SBF2: variants seen among roughly 807,000 people sequenced by gnomAD.
SBF2 encodes the protein SET binding factor 2.
In SBF2, 112 loss-of-function variants were observed where a neutral mutation model predicts 225.2. The observed-to-expected ratio is 0.50, with a 90% CI of 0.43 to 0.58. The LOEUF is 0.58. SBF2 is among the 20% of genes least tolerant of loss of function. The pLI, the probability that SBF2 is intolerant of heterozygous loss-of-function variation, is 0.00. For missense variants in SBF2, 1,996 were observed against 2,206.2 expected (o/e 0.90, Z 1.91); for synonymous variants, 763 against 773.3 (o/e 0.99, Z 0.22).
At chr11:9,919,360 CA>C (rs1414225465) in intron 16 of SBF2, among the ~76,000 whole-genome samples, 1 of 151,152 alleles carries the variant, frequency 6.6e-6, no homozygotes, top group African/African-American at 2.4e-5. Context: ...GAGCCACAGA[CA>C]AAACTCCTCA....
At chr11:10,019,948 G>A (rs917387762) in intron 6 of SBF2, among the ~76,000 whole-genome samples, 14 of 152,092 alleles carry the variant, frequency 9.2e-5, no homozygotes, top group African/African-American at 3.1e-4. Flanking sequence ...AGGAACGTAA[G>A]TTATTTTTAA....
intron 5 of SBF2, among the ~76,000 whole-genome samples, chr11:10,029,468 C>A (rs181190005): frequency 6.6e-6 from 1 of 152,072 alleles, no homozygotes; most frequent in Non-Finnish European, 1.5e-5. Context: ...AAAAGTTCAA[C>A]TTAATATATT....
intron 16 of SBF2, among the ~76,000 whole-genome samples, chr11:9,930,362 C>T (rs567322107): frequency 2.6e-4 from 40 of 151,780 alleles, no homozygotes; most frequent in Admixed American, 1.8e-3. Flanking sequence ...GAAGCCAGAC[C>T]AAAAAAATTA....
chr11:10,145,948 A>C (rs1458888695), intron 2 of SBF2, among the ~76,000 whole-genome samples: 1 of 152,204 alleles, frequency 6.6e-6, no homozygotes, highest in Non-Finnish European at 1.5e-5. Flanking sequence ...GCTGAAAGCC[A>C]AATCAGGAAT....
intron 17 of SBF2, among the ~76,000 whole-genome samples, chr11:9,868,541 T>TA (rs538217664): frequency 6.6e-6 from 1 of 150,784 alleles, no homozygotes; most frequent in African/African-American, 2.4e-5. Context: ...TAAATAAAAA[T>TA]AAAAAAAAAG....
chr11:10,052,731 A>G (rs10840347), intron 2 of SBF2, among the ~76,000 whole-genome samples: 10,670 of 152,180 alleles, frequency 0.07, 725 homozygotes, highest in East Asian at 0.19. Context: ...ATATATAACC[A>G]TATCTCACAA....
chr11:10,002,544 A>G lies in SBF2; in HGVS notation c.752+13T>C. On this transcript the variant is annotated intron_variant, in intron 7 of 39. Coordinates refer to ENST00000256190, the MANE Select transcript of SBF2 (RefSeq NM_030962.4). ...GTTTAGGAATAAATAAAATTAACAA[A>G]TGAAAACCTCACCTATATTTAAGAG... 6.2e-7 allele frequency: 1 copy of G among 1,600,436 alleles called. No homozygotes were observed. The highest frequency in any genetic ancestry group is 1.1e-5 in the South Asian group (1 of 90,586).
chr11:9,842,823 G>T, intron 24 of SBF2, 53 bp from the exon 25 acceptor site: 1 of 1,580,042 alleles, frequency 6.3e-7, no homozygotes, highest in Non-Finnish European at 8.7e-7. Flanking sequence ...AGCACTACTT[G>T]TATTGTTGAC....
rs201361655 is a variant in SBF2 at position 9,993,047 on chromosome 11, A to G, written c.1110T>C (p.Tyr370=). The G allele has an allele frequency of 6.2e-7, 1 of 1,612,882 alleles. No individual in the cohort carries two copies. Among genetic ancestry groups the G allele is most frequent in the African/African-American group, 1.3e-5 (1 of 75,064 alleles). The change falls in exon 11 of 40, where the codon TAT becomes TAC. Residue 370 remains tyrosine, a synonymous_variant. Coordinates refer to ENST00000256190, the MANE Select transcript of SBF2 (RefSeq NM_030962.4). ...TTCTTATAAGTTGCAGGCAGGATCT[A>G]TATCCTTGGAAGAGTTGTGCAAATA... ...LRLFAQLFQG[Y]RSCLQLIRIH... is the part of the protein sequence containing the mutation.
intron 32 of SBF2, among the ~76,000 whole-genome samples, chr11:9,804,436 T>C (rs1853671654): frequency 6.6e-6 from 1 of 152,190 alleles, no homozygotes; most frequent in African/African-American, 2.4e-5. Flanking sequence ...TATTTTTTCC[T>C]CCAGATTTAT....
chr11:10,203,337 G>A (rs566248084), intron 1 of SBF2, among the ~76,000 whole-genome samples: 10 of 152,148 alleles, frequency 6.6e-5, no homozygotes, highest in Non-Finnish European at 1.5e-4. Flanking sequence ...GAAAAAACTT[G>A]CATAATTCAC....
chr11:9,900,029 C>CTT (rs72178587), intron 16 of SBF2, among the ~76,000 whole-genome samples: 1 of 133,314 alleles, frequency 7.5e-6, no homozygotes, highest in East Asian at 2.1e-4. Flanking sequence ...TCCTTTTCTT[C>CTT]TTTTTTTTTT....
intron 2 of SBF2, among the ~76,000 whole-genome samples, chr11:10,043,663 C>T (rs1012011871): frequency 6.6e-6 from 1 of 152,126 alleles, no homozygotes; most frequent in Non-Finnish European, 1.5e-5. Flanking sequence ...TAACCCCAAC[C>T]CCCTGGGCTC....
At chr11:9,840,801 G>T (rs1473720128) in intron 25 of SBF2, among the ~76,000 whole-genome samples, 1 of 152,152 alleles carries the variant, frequency 6.6e-6, no homozygotes, top group Non-Finnish European at 1.5e-5. Context: ...TTTGTTAGAG[G>T]ATGTGGTGTA....
intron 2 of SBF2, among the ~76,000 whole-genome samples, chr11:10,097,523 T>C (rs1463985494): frequency 6.6e-6 from 1 of 152,068 alleles, no homozygotes; most frequent in Non-Finnish European, 1.5e-5. Context: ...CCAAAACACA[T>C]TCTTTAAAAA....
chr11:10,045,461 C>G (rs1382653646), intron 2 of SBF2, among the ~76,000 whole-genome samples: 1 of 152,130 alleles, frequency 6.6e-6, no homozygotes, highest in Non-Finnish European at 1.5e-5. Flanking sequence ...GCCACTGCAC[C>G]CGGCCTATTG....
intron 2 of SBF2, among the ~76,000 whole-genome samples, chr11:10,170,951 G>T: frequency 6.6e-6 from 1 of 151,602 alleles, no homozygotes; most frequent in South Asian, 2.1e-4. Context: ...GTTCACTGTT[G>T]GCATATAGAA....
chr11:10,280,922 G>A (rs796476413), intron 1 of SBF2, among the ~76,000 whole-genome samples: 4 of 152,166 alleles, frequency 2.6e-5, no homozygotes, highest in African/African-American at 9.6e-5. Context: ...GTTAACTTTC[G>A]GCCCTAAAGT....
upstream of SBF2, among the ~76,000 whole-genome samples, chr11:10,299,000 T>A (rs1361049824): frequency 6.6e-6 from 1 of 152,024 alleles, no homozygotes; most frequent in Non-Finnish European, 1.5e-5. Context: ...ATTTCTACCT[T>A]GAGTGTGTGT....
Sources: allele counts gnomAD v4.1 joint callset (sites outside exome capture counted in the v4.1 genomes callset), GRCh38; gene constraint gnomAD v4.1.1; transcripts MANE v1.5; gene names NCBI Gene and HGNC (gene_info 2026-07-23, HGNC 2026-07-21).